The following ANKRD31 variants were observed in gnomAD, a reference collection of about 807,000 sequenced individuals.
The protein encoded by ANKRD31 is ankyrin repeat domain-containing protein 31.
ANKRD31 carries 147 observed loss-of-function variants against 186.0 expected under a neutral mutation model. The observed-to-expected ratio is 0.79, with a 90% CI of 0.69 to 0.91. The LOEUF is 0.91. Among genes scored for constraint, ANKRD31 ranks in the 40% least tolerant of loss-of-function variants. The pLI is 0.00. For missense variants in ANKRD31, 1,986 were observed against 2,148.8 expected, an observed-to-expected ratio of 0.92 and a Z score of 1.50; for synonymous variants, 673 against 736.4, an observed-to-expected ratio of 0.91 and a Z score of 1.39.
intron 23 of ANKRD31, among the ~76,000 whole-genome samples, chr5:75,085,979 A>C (rs1745453307): frequency 6.6e-6 from 1 of 152,182 alleles, no homozygotes; most frequent in Admixed American, 6.5e-5. Flanking sequence ...GACCTGGCCT[A>C]CTCAATGTGT....
intron 10 of ANKRD31, among the ~76,000 whole-genome samples, chr5:75,171,008 A>G (rs9654427): frequency 0.057 from 8,616 of 152,160 alleles, 350 homozygotes; most frequent in South Asian, 0.2. Context: ...AAAGAAAGAA[A>G]CAGACAATTC....
At chr5:75,165,253 A>G (rs1032116255) in intron 11 of ANKRD31, among the ~76,000 whole-genome samples, 5 of 151,686 alleles carry the variant, frequency 3.3e-5, no homozygotes, top group African/African-American at 1.2e-4. Flanking sequence ...AGAATATTCA[A>G]CTTGTACTTC....
Position 75,197,138 on chromosome 5 carries a change from G to A in ANKRD31, c.448-938C>T, listed in dbSNP as rs150542557. On this transcript the variant is annotated intron_variant, in intron 6 of 25. Coordinates refer to ENST00000506364, the MANE Select transcript of ANKRD31 (RefSeq NM_001372053.1). The stretch of plus-strand genomic sequence containing the variant: ...GCTGGTCTCAATCTCCTGACCTCAG[G>A]TGATCTGCCTGCTTCGGCCTCCCAA... Among the ~76,000 whole-genome samples the A allele has an allele frequency of 1.7e-4, 26 of 152,234 alleles. No homozygotes were observed. The East Asian group carries it at 4.8e-3, about 28-fold the overall frequency.
intron 3 of ANKRD31, among the ~76,000 whole-genome samples, chr5:75,215,765 G>A (rs998661203): frequency 3.3e-5 from 5 of 151,612 alleles, no homozygotes; most frequent in African/African-American, 1.2e-4. Flanking sequence ...TTAGAAACCT[G>A]TTTCATAATT....
At chr5:75,094,011 G>T (rs952021085) in intron 22 of ANKRD31, among the ~76,000 whole-genome samples, 1 of 152,136 alleles carries the variant, frequency 6.6e-6, no homozygotes, top group African/African-American at 2.4e-5. Flanking sequence ...CAGTATAAAT[G>T]CATATTTCTT....
chr5:75,152,040 A>C (rs1032367068), intron 12 of ANKRD31, among the ~76,000 whole-genome samples: 2 of 152,028 alleles, frequency 1.3e-5, no homozygotes, highest in African/African-American at 4.8e-5. Context: ...GTTAGAGAGC[A>C]TCTGTTGTTT....
At chr5:75,190,940 G>T (rs1296404413) in intron 9 of ANKRD31, among the ~76,000 whole-genome samples, 4 of 151,732 alleles carry the variant, frequency 2.6e-5, no homozygotes, top group Non-Finnish European at 4.4e-5. Flanking sequence ...TTTGATATTT[G>T]ATTCTTCTTT....
At chr5:75,204,268 T>C (rs1045390234) in intron 5 of ANKRD31, among the ~76,000 whole-genome samples, 3 of 152,214 alleles carry the variant, frequency 2.0e-5, no homozygotes, top group African/African-American at 7.2e-5. Context: ...CTTATACCTT[T>C]TTAAGATTAA....
At chr5:75,189,427 A>C (rs1754954906) in intron 9 of ANKRD31, among the ~76,000 whole-genome samples, 1 of 152,138 alleles carries the variant, frequency 6.6e-6, no homozygotes, top group African/African-American at 2.4e-5. Context: ...CCCCATCCTA[A>C]AACCTTACAA....
At chr5:75,102,141 C>A (rs1580329051) in intron 22 of ANKRD31, among the ~76,000 whole-genome samples, 1 of 152,156 alleles carries the variant, frequency 6.6e-6, no homozygotes, top group South Asian at 2.1e-4. Flanking sequence ...TGTTAGTTTT[C>A]CTTCTAACAG....
At chr5:75,087,632 A>C (rs1006763635) in intron 23 of ANKRD31, among the ~76,000 whole-genome samples, 2 of 152,240 alleles carry the variant, frequency 1.3e-5, no homozygotes, top group African/African-American at 4.8e-5. Flanking sequence ...GAGTAGAAGG[A>C]AGAAAGAATA....
intron 19 of ANKRD31, among the ~76,000 whole-genome samples, chr5:75,114,882 T>C (rs1364414865): frequency 2.6e-5 from 4 of 152,192 alleles, no homozygotes; most frequent in Non-Finnish European, 5.9e-5. Context: ...ACCAATGACT[T>C]TCTTCACAGA....
Position 75,188,504 on chromosome 5 carries a change from G to T in ANKRD31, c.1553C>A (p.Pro518Gln), listed in dbSNP as rs73763017. ...TAATCCTAACTTACCAGCATAACTT[G>T]GCTGATTAACATTTCCACCTTTTTT... ...CIKKGGNVNQPSYAGWTALHE... is the reference protein window; with the variant it reads ...CIKKGGNVNQQSYAGWTALHE... Residue 518 changes from proline to glutamine, a missense_variant, in exon 10 of 26, where the codon CCA becomes CAA. Physicochemically the swap from Pro to Gln is moderately conservative, Grantham distance 76 (BLOSUM62 -1). Transcript: ENST00000506364. 1 of 1,535,134 alleles carries T rather than the reference G, an allele frequency of 6.5e-7. No individual in the cohort carries two copies. Among genetic ancestry groups the T allele is most frequent in the South Asian group, 1.2e-5 (1 of 83,486 alleles).
At chr5:75,234,600 C>T (rs1166200436) in intron 1 of ANKRD31, among the ~76,000 whole-genome samples, 1 of 152,216 alleles carries the variant, frequency 6.6e-6, no homozygotes, top group Non-Finnish European at 1.5e-5. Context: ...TTCTTTCCCA[C>T]AGGCAACCAA....
At chr5:75,194,351 C>T (rs1424240716) in intron 7 of ANKRD31, among the ~76,000 whole-genome samples, 1 of 151,802 alleles carries the variant, frequency 6.6e-6, no homozygotes, top group Non-Finnish European at 1.5e-5. Context: ...TAATTTCCTA[C>T]ACTTTACTCA....
At chr5:75,103,985 G>T (rs151301823) in intron 22 of ANKRD31, among the ~76,000 whole-genome samples, 1 of 152,134 alleles carries the variant, frequency 6.6e-6, no homozygotes, top group Admixed American at 6.5e-5. Context: ...TGCACATCCT[G>T]CACATGTATC....
chr5:75,177,473 C>A (rs1753901741), intron 10 of ANKRD31, among the ~76,000 whole-genome samples: 1 of 152,100 alleles, frequency 6.6e-6, no homozygotes, highest in Non-Finnish European at 1.5e-5. Context: ...ATGTTAAGGG[C>A]AGCCACAGAG....
intron 11 of ANKRD31, among the ~76,000 whole-genome samples, chr5:75,164,994 T>C (rs1381772822): frequency 6.6e-6 from 1 of 152,210 alleles, no homozygotes; most frequent in African/African-American, 2.4e-5. Context: ...TTAATAATTT[T>C]TAAGGGATTT....
At chr5:75,072,843 G>A (rs547648536) in intron 25 of ANKRD31, among the ~76,000 whole-genome samples, 6 of 152,200 alleles carry the variant, frequency 3.9e-5, no homozygotes, top group African/African-American at 1.4e-4. Context: ...CAATACATGA[G>A]GGCAGATGAA....
Sources: gnomAD v4.1 joint callset for allele counts (sites outside exome capture counted in the v4.1 genomes callset) on GRCh38, gnomAD v4.1.1 for gene constraint, MANE v1.5 for transcripts, NCBI Gene and HGNC (gene_info 2026-07-23, HGNC 2026-07-21) for gene names.